Variants in ETV6 observed in about 807,000 individuals in gnomAD.
The protein encoded by ETV6 is transcription factor ETV6.
In ETV6, 16 loss-of-function variants were observed where a neutral mutation model predicts 51.1. That is an observed-to-expected ratio of 0.31 (90% CI 0.21 to 0.48). The LOEUF (loss-of-function observed/expected upper bound fraction) is 0.48, where lower values mean the gene tolerates loss of function less well. Ranked by LOEUF, ETV6 falls within the 20% of genes least tolerant of loss-of-function variation. ETV6 has a pLI of 0.99. For missense variants in ETV6, 458 were observed against 594.8 expected (o/e 0.77, Z 2.39); for synonymous variants, 240 against 224.1 (o/e 1.07, Z -0.64).
At chr12:11,731,009 A>G (rs1340402008) in intron 1 of ETV6, among the ~76,000 whole-genome samples, 3 of 152,136 alleles carry the variant, frequency 2.0e-5, no homozygotes, top group African/African-American at 7.2e-5. Flanking sequence ...AAGCCCCTCC[A>G]GTGTAGTTGG....
intron 2 of ETV6, among the ~76,000 whole-genome samples, chr12:11,813,979 T>C (rs1231667480): frequency 6.6e-6 from 1 of 152,262 alleles, no homozygotes; most frequent in East Asian, 1.9e-4. Context: ...AATTATTTCC[T>C]AGAAATGATT....
intron 1 of ETV6, among the ~76,000 whole-genome samples, chr12:11,731,952 C>T (rs929876987): frequency 4.6e-5 from 7 of 152,124 alleles, no homozygotes; most frequent in Admixed American, 6.5e-5. Context: ...GTACTGAAAA[C>T]CCCACATCCC....
intron 4 of ETV6, among the ~76,000 whole-genome samples, chr12:11,861,845 G>A (rs1207944620): frequency 6.6e-6 from 1 of 152,118 alleles, no homozygotes; most frequent in Non-Finnish European, 1.5e-5. Context: ...ATGATTGAGA[G>A]GATTACCCAA....
chr12:11,839,053 C>G, intron 2 of ETV6, 87 bp from the exon 3 acceptor site: 1 of 1,373,386 alleles, frequency 7.3e-7, no homozygotes, highest in Non-Finnish European at 9.9e-7. Flanking sequence ...ATTTTGTTAA[C>G]TATTCAGAGA....
intron 1 of ETV6, among the ~76,000 whole-genome samples, chr12:11,681,170 G>A (rs1591604865): frequency 1.3e-5 from 2 of 152,190 alleles, no homozygotes; most frequent in African/African-American, 4.8e-5. Context: ...GCTGTAAGCC[G>A]TCTGCATCCG....
intron 2 of ETV6, among the ~76,000 whole-genome samples, chr12:11,791,707 T>C (rs140728121): frequency 4.3e-4 from 65 of 152,344 alleles, no homozygotes; most frequent in Non-Finnish European, 7.2e-4. Flanking sequence ...AAGACATCAA[T>C]ATGTGAATAC....
At chr12:11,822,852 G>A (rs1482686369) in intron 2 of ETV6, among the ~76,000 whole-genome samples, 1 of 152,206 alleles carries the variant, frequency 6.6e-6, no homozygotes, top group African/African-American at 2.4e-5. Flanking sequence ...ATGGAGGAAT[G>A]GGAAAGATTT....
chr12:11,874,376 CAAAA>C (rs35586470), intron 5 of ETV6, among the ~76,000 whole-genome samples: 1 of 66,016 alleles, frequency 1.5e-5, no homozygotes, highest in Non-Finnish European at 3.2e-5. Flanking sequence ...TACTCTGTCT[CAAAA>C]AAAAAAAAAA....
At chr12:11,676,316 C>T (rs1864420771) in intron 1 of ETV6, among the ~76,000 whole-genome samples, 2 of 152,302 alleles carry the variant, frequency 1.3e-5, no homozygotes, top group East Asian at 1.9e-4. Flanking sequence ...TCCACTCTGC[C>T]TCTCCCTCCC....
intron 1 of ETV6, among the ~76,000 whole-genome samples, chr12:11,733,778 T>TA (rs1222479103): frequency 2.0e-5 from 3 of 152,218 alleles, no homozygotes; most frequent in Non-Finnish European, 2.9e-5. Flanking sequence ...CACACCCACA[T>TA]ACCCTGTTCA....
chr12:11,681,497 G>A (rs997903996), intron 1 of ETV6, among the ~76,000 whole-genome samples: 6 of 150,700 alleles, frequency 4.0e-5, no homozygotes, highest in Non-Finnish European at 5.9e-5. Context: ...CACCGTTTAA[G>A]GTCTTTCAGA....
intron 1 of ETV6, among the ~76,000 whole-genome samples, chr12:11,746,648 G>C (rs889523788): frequency 6.6e-6 from 1 of 152,136 alleles, no homozygotes; most frequent in African/African-American, 2.4e-5. Context: ...TGCATAATTT[G>C]TAATGCCTGC....
chr12:11,779,238 T>C (rs1945377653), intron 2 of ETV6, among the ~76,000 whole-genome samples: 1 of 152,236 alleles, frequency 6.6e-6, no homozygotes, highest in Non-Finnish European at 1.5e-5. Context: ...AATGATTTGC[T>C]CTTTTACAGC....
intron 4 of ETV6, among the ~76,000 whole-genome samples, chr12:11,868,890 G>A (rs113037836): frequency 6.6e-6 from 1 of 152,078 alleles, no homozygotes; most frequent in African/African-American, 2.4e-5. Context: ...GTCATTAACG[G>A]AATGCTTGTA....
chr12:11,888,838 G>C (rs867516770), intron 7 of ETV6, among the ~76,000 whole-genome samples: 3 of 152,142 alleles, frequency 2.0e-5, no homozygotes, highest in South Asian at 2.1e-4. Flanking sequence ...AGTAGCTAGA[G>C]CGACTACAGG....
At chr12:11,684,259 C>T (rs1864586814) in intron 1 of ETV6, among the ~76,000 whole-genome samples, 1 of 152,242 alleles carries the variant, frequency 6.6e-6, no homozygotes, top group African/African-American at 2.4e-5. Context: ...ACCAGTGCCT[C>T]TAACAATCCG....
chr12:11,689,139 C>A (rs554788685), intron 1 of ETV6, among the ~76,000 whole-genome samples: 48 of 1,932 alleles, frequency 0.025, no homozygotes, highest in Admixed American at 0.069. Context: ...GAAAATGGGG[C>A]GGGGGGGCGG....
At chr12:11,675,417 C>G (rs543165547) in intron 1 of ETV6, among the ~76,000 whole-genome samples, 2 of 152,322 alleles carry the variant, frequency 1.3e-5, no homozygotes, top group South Asian at 4.1e-4. Flanking sequence ...GGAAAATATA[C>G]TTTCTCAAAC....
intron 1 of ETV6, among the ~76,000 whole-genome samples, chr12:11,734,389 T>C (rs547733579): frequency 3.2e-4 from 48 of 152,110 alleles, no homozygotes; most frequent in Admixed American, 3.9e-4. Context: ...GGTGGATTGC[T>C]TGAGCTCAGG....
Sources: allele counts gnomAD v4.1 joint callset (sites outside exome capture counted in the v4.1 genomes callset), GRCh38; gene constraint gnomAD v4.1.1; transcripts MANE v1.5; gene names NCBI Gene and HGNC (gene_info 2026-07-23, HGNC 2026-07-21).